The following C1orf54 variants were observed in gnomAD, a reference collection of about 807,000 sequenced individuals.
The protein encoded by C1orf54 is uncharacterized protein C1orf54.
A neutral mutation model predicts 14.7 loss-of-function variants in C1orf54; 12 were observed. That is an observed-to-expected ratio of 0.82 (90% CI 0.52 to 1.32). The LOEUF (loss-of-function observed/expected upper bound fraction) is 1.32. Ranked by LOEUF, C1orf54 falls within the 40% of genes most tolerant of loss-of-function variation. C1orf54 has a pLI of 0.00. For synonymous variants in C1orf54, 65 were observed against 56.3 expected, an observed-to-expected ratio of 1.16 and a Z score of -0.70; for missense variants, 163 against 162.2, an observed-to-expected ratio of 1.00 and a Z score of -0.03.
chr1:150,270,354 C>T (rs782766299), upstream of C1orf54, among the ~76,000 whole-genome samples: 57 of 152,074 alleles, frequency 3.7e-4, no homozygotes, highest in Non-Finnish European at 7.4e-4. Context: ...TATAGATTTA[C>T]ACGGAGGCTG....
intron 4 of C1orf54, 96 bp downstream of exon 4, chr1:150,276,728 G>T: frequency 1.0e-6 from 1 of 971,198 alleles, no homozygotes. Flanking sequence ...TGGTGGATGG[G>T]AGAACCAAAT....
rs146968710 is a variant in C1orf54 at position 150,279,268 on chromosome 1, T to C, written c.301-375T>C. ...TGGTGGATATAAAAATAATAATAAA[T>C]AAACAAACAAATAAATAAAATATAG... On this transcript the variant is annotated intron_variant, in intron 4 of 5. Coordinates refer to ENST00000369099, the MANE Select transcript of C1orf54 (RefSeq NM_024579.4). Among the ~76,000 whole-genome samples the C allele has an allele frequency of 2.6e-3, 392 of 152,194 alleles. 2 individuals are homozygous for C. Among genetic ancestry groups the C allele is most frequent in the African/African-American group, 8.9e-3 (369 of 41,512 alleles).
upstream of C1orf54, among the ~76,000 whole-genome samples, chr1:150,271,167 C>T (rs187548647): frequency 1.3e-5 from 2 of 151,206 alleles, no homozygotes; most frequent in East Asian, 2.0e-4. Flanking sequence ...GACTGGAGTA[C>T]AGTGGTGCTA....
chr1:150,270,423 C>T (rs587729261), upstream of C1orf54, among the ~76,000 whole-genome samples: 330 of 151,966 alleles, frequency 2.2e-3, 5 homozygotes, highest in African/African-American at 7.5e-3. Context: ...GGCTGGATCA[C>T]TTGAGGTCAG....
chr1:150,279,616 T>C lies in C1orf54; in HGVS notation c.301-27T>C, dbSNP rs782627729. The C allele has an allele frequency of 3.1e-6, 5 of 1,592,502 alleles. No homozygotes were observed. The Admixed American group carries it at 5.2e-5, about 17-fold the overall frequency. Reference sequence around the variant, plus strand: ...GGTAGGAGGAATGACACCAGCCTACTGTGTGGGGATGTCGGTATTTTAGCA... The same window carrying C: ...GGTAGGAGGAATGACACCAGCCTACCGTGTGGGGATGTCGGTATTTTAGCA... On this transcript the variant is annotated intron_variant, in intron 4 of 5. Coordinates refer to ENST00000369099, the MANE Select transcript of C1orf54 (RefSeq NM_024579.4).
At chr1:150,271,977 TA>T (rs1291956704), upstream of C1orf54, among the ~76,000 whole-genome samples, 1 of 152,032 alleles carries the variant, frequency 6.6e-6, no homozygotes, top group African/African-American at 2.4e-5. Flanking sequence ...CCGTCTCTAC[TA>T]AAAATACAAA....
intron 5 of C1orf54, among the ~76,000 whole-genome samples, chr1:150,279,983 A>G (rs1652963478): frequency 6.6e-6 from 1 of 152,168 alleles, no homozygotes; most frequent in Non-Finnish European, 1.5e-5. Context: ...GTTTAAGTCC[A>G]GGCTGAGCAA....
At chr1:150,279,859 T>A in intron 5 of C1orf54, 118 bp downstream of exon 5, 1 of 853,278 alleles carries the variant, frequency 1.2e-6, no homozygotes, top group Non-Finnish European at 1.8e-6. Flanking sequence ...CCTGGTCAAT[T>A]ATCAGCCACT....
chr1:150,273,923 A>G (rs1352714818), intron 1 of C1orf54, among the ~76,000 whole-genome samples, 164 bp from the exon 2 acceptor site: 1 of 152,150 alleles, frequency 6.6e-6, no homozygotes, highest in Non-Finnish European at 1.5e-5. Flanking sequence ...AGAGGGGTGT[A>G]GAGGTGCACA....
upstream of C1orf54, among the ~76,000 whole-genome samples, chr1:150,271,532 A>C (rs1370630829): frequency 2.6e-5 from 4 of 152,256 alleles, no homozygotes; most frequent in Admixed American, 2.6e-4. Context: ...GATGTTGAGC[A>C]GATACTTATT....
intron 3 of C1orf54, among the ~76,000 whole-genome samples, chr1:150,276,146 AAAAG>A (rs1652631576): frequency 6.6e-6 from 1 of 152,172 alleles, no homozygotes; most frequent in Non-Finnish European, 1.5e-5. Context: ...CTACAAAAAA[AAAAG>A]AAAAAAGAAA....
intron 1 of C1orf54, 59 bp downstream of exon 1, chr1:150,272,922 G>GAAAAAAA: frequency 1.3e-6 from 2 of 1,579,750 alleles, no homozygotes; most frequent in Non-Finnish European, 1.7e-6. Flanking sequence ...AATGGGGTGG[G>GAAAAAAA]AGAAAAAAAA....
At chr1:150,279,580 G>A (rs1418425989) in intron 4 of C1orf54, 63 bp from the exon 5 acceptor site, 1 of 1,453,940 alleles carries the variant, frequency 6.9e-7, no homozygotes, top group Non-Finnish European at 9.4e-7. Context: ...TCTGGAGGGG[G>A]ACAGAGAAGT....
upstream of C1orf54, chr1:150,269,096 G>C (rs138733889): frequency 2.2e-4 from 82 of 364,720 alleles, no homozygotes; most frequent in African/African-American, 1.6e-3. Flanking sequence ...AATCAGCGCG[G>C]GCGGAGCTGC....
chr1:150,274,030 C>G (rs1652427540), intron 1 of C1orf54, 57 bp from the exon 2 acceptor site: 1 of 1,229,918 alleles, frequency 8.1e-7, no homozygotes, highest in Non-Finnish European at 1.2e-6. Context: ...CTCCAGGTGT[C>G]CTTTTGTTAG....
Position 150,275,784 on chromosome 1 carries a change from G to C in C1orf54, c.174G>C (p.Glu58Asp), listed in dbSNP as rs781904691. The C allele has an allele frequency of 6.2e-7, 1 of 1,612,042 alleles. No homozygotes were observed. The highest frequency in any genetic ancestry group is 8.5e-7 in the Non-Finnish European group (1 of 1,178,278). Residue 58 changes from glutamate (E) to aspartate (D), a missense_variant, in exon 3 of 6, where the codon GAG (glutamate) becomes GAC (aspartate). Glu to Asp is a conservative substitution (Grantham distance 45, BLOSUM62 2). Transcript: ENST00000369099. ...ADFTIDYSIF[E>D]SEDRLNRLDK... ...TCACCATTGATTACTCCATATTTGA[G>C]TCAGAGGACAGGCTGGTGAGTGAAC...
At chr1:150,277,676 A>G (rs1553852787) in intron 4 of C1orf54, among the ~76,000 whole-genome samples, 1 of 152,130 alleles carries the variant, frequency 6.6e-6, no homozygotes, top group African/African-American at 2.4e-5. Flanking sequence ...TTGCTTAGTA[A>G]TTTCACATGT....
At chr1:150,278,951 G>C (rs1652886320) in intron 4 of C1orf54, among the ~76,000 whole-genome samples, 1 of 152,216 alleles carries the variant, frequency 6.6e-6, no homozygotes, top group Non-Finnish European at 1.5e-5. Flanking sequence ...GTGAAAGATT[G>C]ACAATAAGGG....
rs1282044511 is a variant in C1orf54 at position 150,279,887 on chromosome 1, C to G, written c.*3+146C>G. 1.1e-5 allele frequency: 8 copies of G among 733,870 alleles called. No individual in the cohort carries two copies. In the African/African-American group the frequency reaches 1.4e-4, roughly 13 times the overall value. 45.5% of individuals were successfully genotyped at this position (733,870 alleles called of 1,614,324 possible). A position where few individuals can be genotyped will look rare whatever the true frequency, so the allele number is the denominator to read the frequency against. ...CAGCCACTGAAGGAAGAGATTTAGG[C>G]TCATCCCTATAATCCCAGCACTTTG... On this transcript the variant is annotated intron_variant, in intron 5 of 5. Transcript: ENST00000369099.
Sources: allele counts gnomAD v4.1 joint callset (sites outside exome capture counted in the v4.1 genomes callset), GRCh38; gene constraint gnomAD v4.1.1; transcripts MANE v1.5; gene names NCBI Gene and HGNC (gene_info 2026-07-23, HGNC 2026-07-21).